UNC5C: variants seen among roughly 807,000 people sequenced by gnomAD.
UNC5C encodes the protein unc-5 netrin receptor C.
UNC5C carries 47 observed loss-of-function variants against 99.8 expected under a neutral mutation model. The observed-to-expected ratio is 0.47, with a 90% CI of 0.37 to 0.60. The LOEUF (loss-of-function observed/expected upper bound fraction) is 0.60. Ranked by LOEUF, UNC5C falls within the 20% of genes least tolerant of loss-of-function variation. UNC5C has a pLI of 0.00. For missense variants in UNC5C, 1,062 were observed against 1,165.9 expected (o/e 0.91, Z 1.30); for synonymous variants, 487 against 452.2 (o/e 1.08, Z -0.98).
intron 14 of UNC5C, among the ~76,000 whole-genome samples, chr4:95,171,460 A>C (rs891789816): frequency 6.8e-6 from 1 of 146,024 alleles, no homozygotes; most frequent in Admixed American, 7.3e-5. Flanking sequence ...CTCATTGTTC[A>C]ATTCCCCCGT....
intron 1 of UNC5C, among the ~76,000 whole-genome samples, chr4:95,358,682 A>T (rs559669403): frequency 6.6e-6 from 1 of 152,298 alleles, no homozygotes; most frequent in Non-Finnish European, 1.5e-5. Context: ...TTTGACCCTC[A>T]TAACTAATTA....
At chr4:95,495,145 G>T (rs1048640643) in intron 1 of UNC5C, among the ~76,000 whole-genome samples, 2 of 151,280 alleles carry the variant, frequency 1.3e-5, no homozygotes, top group Non-Finnish European at 3.0e-5. Context: ...CATTTCAAAG[G>T]GCAAATTATT....
At chr4:95,420,035 C>T (rs1389294298) in intron 1 of UNC5C, among the ~76,000 whole-genome samples, 3 of 152,146 alleles carry the variant, frequency 2.0e-5, no homozygotes, top group South Asian at 2.1e-4. Context: ...ACATTATCAA[C>T]ATTTCCTCTT....
intron 3 of UNC5C, among the ~76,000 whole-genome samples, chr4:95,292,216 T>TACAC (rs1301879539): frequency 4.8e-5 from 6 of 125,198 alleles, no homozygotes; most frequent in Non-Finnish European, 1.0e-4. Context: ...TACATATATA[T>TACAC]ACACACACAC....
At position 95,422,309 on chromosome 4, in the gene UNC5C, G is replaced by C. The variant is rs189530290; in HGVS notation, c.125-86678C>G. Among the ~76,000 whole-genome samples, 3 of 152,314 alleles carry C rather than the reference G, an allele frequency of 2.0e-5. No homozygotes were observed. In the East Asian group the frequency reaches 5.8e-4, roughly 29 times the overall value. ...GGGGAAGGAAGGAAAAGAGTAGGCT[G>C]TAGACAATTTCCCTCTGGAAACAGC... On this transcript the variant is annotated intron_variant, in intron 1 of 15. Coordinates refer to ENST00000453304, the MANE Select transcript of UNC5C (RefSeq NM_003728.4).
chr4:95,468,071 A>C (rs1747844951), intron 1 of UNC5C, among the ~76,000 whole-genome samples: 2 of 150,776 alleles, frequency 1.3e-5, no homozygotes, highest in Non-Finnish European at 2.9e-5. Context: ...GGGAGGCAGG[A>C]GAGGAAGGCA....
Position 95,233,491 on chromosome 4 carries a change from T to C in UNC5C, c.1108+8938A>G, listed in dbSNP as rs557106932. 2.0e-5 allele frequency among the ~76,000 whole-genome samples: 3 copies of C among 152,054 alleles called. No homozygotes were observed. In the South Asian group the frequency reaches 6.2e-4, roughly 32 times the overall value. ...TTAATAATCCAATCTACTGTATTGA[T>C]AAATATATATATAAATTTGCATTTC... On this transcript the variant is annotated intron_variant, in intron 7 of 15. Coordinates refer to ENST00000453304, the MANE Select transcript of UNC5C (RefSeq NM_003728.4).
chr4:95,533,161 A>T (rs910673586), intron 1 of UNC5C, among the ~76,000 whole-genome samples: 1 of 152,016 alleles, frequency 6.6e-6, no homozygotes, highest in African/African-American at 2.4e-5. Flanking sequence ...AATTTGGGAG[A>T]CCAAGGTGGG....
chr4:95,170,074 G>C, intron 15 of UNC5C, 80 bp downstream of exon 15: 2 of 1,511,930 alleles, frequency 1.3e-6, no homozygotes, highest in Non-Finnish European at 1.8e-6. Context: ...AAAAAATGAA[G>C]CTAACCCTAC....
intron 1 of UNC5C, among the ~76,000 whole-genome samples, chr4:95,513,457 A>G (rs1016504494): frequency 3.3e-5 from 5 of 152,200 alleles, no homozygotes; most frequent in Non-Finnish European, 5.9e-5. Flanking sequence ...AAGATCTGTC[A>G]GCATTATTAA....
At chr4:95,200,307 C>CTTCT (rs1387358836) in intron 12 of UNC5C, among the ~76,000 whole-genome samples, 1 of 152,166 alleles carries the variant, frequency 6.6e-6, no homozygotes, top group Non-Finnish European at 1.5e-5. Context: ...GCTGCTTATC[C>CTTCT]TTCTTTAGCT....
chr4:95,546,585 C>A (rs1210112797), intron 1 of UNC5C, among the ~76,000 whole-genome samples: 1 of 152,126 alleles, frequency 6.6e-6, no homozygotes, highest in South Asian at 2.1e-4. Context: ...ACTAAATAAA[C>A]GAAATGGACA....
chr4:95,375,292 T>TA, intron 1 of UNC5C, among the ~76,000 whole-genome samples: 1 of 152,226 alleles, frequency 6.6e-6, no homozygotes, highest in Non-Finnish European at 1.5e-5. Context: ...AAAACTTAGG[T>TA]AAAAATAAGA....
At chr4:95,536,409 A>C (rs955467810) in intron 1 of UNC5C, among the ~76,000 whole-genome samples, 1 of 152,166 alleles carries the variant, frequency 6.6e-6, no homozygotes, top group African/African-American at 2.4e-5. Context: ...TCATTCATAC[A>C]GAAAAAAAGA....
At chr4:95,353,752 T>G (rs919315386) in intron 1 of UNC5C, among the ~76,000 whole-genome samples, 5 of 152,082 alleles carry the variant, frequency 3.3e-5, no homozygotes, top group Non-Finnish European at 1.5e-5. Context: ...ATCATTAAAA[T>G]TATTGTGACA....
chr4:95,547,568 C>T (rs1264477736), intron 1 of UNC5C, among the ~76,000 whole-genome samples: 3 of 152,330 alleles, frequency 2.0e-5, no homozygotes, highest in African/African-American at 7.2e-5. Context: ...CTGAATGCTG[C>T]ATAAGCTTCC....
At chr4:95,229,284 C>G (rs925349024) in intron 7 of UNC5C, among the ~76,000 whole-genome samples, 1 of 152,030 alleles carries the variant, frequency 6.6e-6, no homozygotes, top group South Asian at 2.1e-4. Flanking sequence ...CCTAGCCCCC[C>G]ACCCCGACAG....
chr4:95,475,164 A>G (rs1748103058), intron 1 of UNC5C, among the ~76,000 whole-genome samples: 1 of 151,958 alleles, frequency 6.6e-6, no homozygotes, highest in African/African-American at 2.4e-5. Flanking sequence ...TTTCCCAATG[A>G]TGAAGGGATA....
intron 4 of UNC5C, among the ~76,000 whole-genome samples, chr4:95,270,399 GA>G (rs1398273064): frequency 6.7e-6 from 1 of 150,212 alleles, no homozygotes; most frequent in Admixed American, 6.7e-5. Flanking sequence ...TAAGCAAGCT[GA>G]AATTATATCT....
Sources: allele counts gnomAD v4.1 joint callset (sites outside exome capture counted in the v4.1 genomes callset), GRCh38; gene constraint gnomAD v4.1.1; transcripts MANE v1.5; gene names NCBI Gene and HGNC (gene_info 2026-07-23, HGNC 2026-07-21).